IKZF1: variants seen among roughly 807,000 people sequenced by gnomAD.
IKZF1 encodes the protein DNA-binding protein Ikaros.
Under a neutral mutation model 51.7 loss-of-function variants are expected in IKZF1, and 10 were observed. The ratio of observed to expected loss-of-function variants is 0.19; its 90% CI spans 0.12 to 0.33. The LOEUF is 0.33. IKZF1 is among the 10% of genes least tolerant of loss of function. IKZF1 has a pLI of 1.00. For synonymous variants in IKZF1, 280 were observed against 282.3 expected, an observed-to-expected ratio of 0.99 and a Z score of 0.08; for missense variants, 484 against 707.5, an observed-to-expected ratio of 0.68 and a Z score of 3.58.
intron 3 of IKZF1, among the ~76,000 whole-genome samples, chr7:50,333,745 C>G (rs1336810895): frequency 6.6e-6 from 1 of 152,250 alleles, no homozygotes; most frequent in East Asian, 1.9e-4. Context: ...GATTCTTGTT[C>G]ACCTTGCTTT....
chr7:50,355,644 A>AATAG (rs1230808317), intron 3 of IKZF1, among the ~76,000 whole-genome samples: 6 of 150,186 alleles, frequency 4.0e-5, no homozygotes, highest in African/African-American at 1.2e-4. Flanking sequence ...TAAATAAATA[A>AATAG]ATAAATAAAT....
chr7:50,306,296 T>C (rs555559890), intron 1 of IKZF1, among the ~76,000 whole-genome samples: 1 of 152,338 alleles, frequency 6.6e-6, no homozygotes, highest in Admixed American at 6.5e-5. Context: ...TTTCATACAT[T>C]TTTTACATGA....
chr7:50,399,811 G>A, intron 7 of IKZF1, 107 bp from the exon 8 acceptor site: 3 of 1,478,784 alleles, frequency 2.0e-6, no homozygotes. Flanking sequence ...GGGCCCCCAG[G>A]CCGTGTTCCC....
intron 3 of IKZF1, among the ~76,000 whole-genome samples, chr7:50,369,994 A>C: frequency 6.6e-6 from 1 of 152,106 alleles, no homozygotes; most frequent in Non-Finnish European, 1.5e-5. Context: ...TAGAGGCAAC[A>C]CAAAAATATC....
intron 4 of IKZF1, among the ~76,000 whole-genome samples, chr7:50,378,248 T>C (rs891064064): frequency 1.2e-4 from 19 of 152,160 alleles, no homozygotes; most frequent in African/African-American, 4.6e-4. Flanking sequence ...TCCATAAAAA[T>C]TCAACTTCTA....
intron 3 of IKZF1, chr7:50,327,984 C>G (rs1283025440): frequency 2.6e-5 from 13 of 508,752 alleles, no homozygotes; most frequent in Non-Finnish European, 4.5e-5. Context: ...CGCAAAATGT[C>G]CAAGTTGAGG....
chr7:50,344,545 C>G (rs1366917984), intron 3 of IKZF1, among the ~76,000 whole-genome samples: 1 of 152,230 alleles, frequency 6.6e-6, no homozygotes, highest in Non-Finnish European at 1.5e-5. Context: ...CTGAGCACAT[C>G]TAGAATTATT....
chr7:50,303,917 G>A (rs957232207), upstream of IKZF1, among the ~76,000 whole-genome samples: 1 of 144,892 alleles, frequency 6.9e-6, no homozygotes, highest in Non-Finnish European at 1.5e-5. The surrounding 1 kb of genome is among the most constrained non-coding windows in gnomAD (Gnocchi z 4.7). Flanking sequence ...CAGCGCCGCG[G>A]CCGAGCCGGG....
At chr7:50,377,703 C>G (rs1321133507) in intron 4 of IKZF1, among the ~76,000 whole-genome samples, 1 of 152,218 alleles carries the variant, frequency 6.6e-6, no homozygotes, top group East Asian at 1.9e-4. Context: ...ATAACACACA[C>G]TTATTTAACT....
chr7:50,367,927 G>T (rs79797934), intron 3 of IKZF1: 1 of 605,402 alleles, frequency 1.7e-6, no homozygotes, highest in Non-Finnish European at 2.9e-6. Flanking sequence ...TTAAAAAAAA[G>T]TAATGCTTTC....
At chr7:50,336,620 C>T (rs1249746712) in intron 3 of IKZF1, among the ~76,000 whole-genome samples, 2 of 152,164 alleles carry the variant, frequency 1.3e-5, no homozygotes, top group African/African-American at 4.8e-5. Flanking sequence ...GGAGGGGCGT[C>T]TCAGAGGGCA....
In IKZF1 at chr7:50,402,395, G is replaced by A; in HGVS notation, c.*1768G>A. 1 of 230,612 alleles carries A rather than the reference G, an allele frequency of 4.3e-6. No individual in the cohort carries two copies. The allele number at this position is 230,612 out of a possible 1,614,324, so 14.3% of individuals were successfully genotyped here. On this transcript the variant is annotated 3_prime_UTR_variant, in exon 8 of 8. Coordinates refer to ENST00000331340, the MANE Select transcript of IKZF1 (RefSeq NM_006060.6). The stretch of plus-strand genomic sequence containing the variant: ...CCTGTGCATTGTAGGATAATTAGCA[G>A]TATCCCTGGTGGCTACCCAATAGAC...
intron 3 of IKZF1, among the ~76,000 whole-genome samples, chr7:50,371,989 G>A (rs1401706761): frequency 6.6e-6 from 1 of 152,188 alleles, no homozygotes; most frequent in Non-Finnish European, 1.5e-5. Context: ...TCCTGGGCTT[G>A]TGTTTTTAAA....
At chr7:50,399,132 A>G (rs550830573) in intron 7 of IKZF1, among the ~76,000 whole-genome samples, 18 of 152,330 alleles carry the variant, frequency 1.2e-4, no homozygotes, top group Admixed American at 1.0e-3. Flanking sequence ...AATTCTCATT[A>G]CTTTTAAAAA....
intron 3 of IKZF1, among the ~76,000 whole-genome samples, chr7:50,334,754 C>T (rs1345757375): frequency 7.2e-6 from 1 of 138,176 alleles, no homozygotes; most frequent in Non-Finnish European, 1.6e-5. Flanking sequence ...ATGGGATATG[C>T]GGTGTGTATG....
chr7:50,306,950 A>T (rs1788957175), intron 1 of IKZF1, among the ~76,000 whole-genome samples: 1 of 152,260 alleles, frequency 6.6e-6, no homozygotes, highest in Admixed American at 6.5e-5. Context: ...TTATTAACAG[A>T]TACATGAAAT....
At chr7:50,375,947 G>A (rs980855813) in intron 3 of IKZF1, among the ~76,000 whole-genome samples, 3 of 152,208 alleles carry the variant, frequency 2.0e-5, no homozygotes, top group Non-Finnish European at 4.4e-5. Flanking sequence ...ATCTGAAAGG[G>A]AACTGTGGTC....
chr7:50,304,038 G>A (rs1467337582), upstream of IKZF1: 3 of 145,044 alleles, frequency 2.1e-5, no homozygotes, highest in Non-Finnish European at 3.1e-5. Flanking sequence ...CGGGCGCGGT[G>A]CGCGCGGGGG....
At chr7:50,331,444 A>C (rs1442120423) in intron 3 of IKZF1, among the ~76,000 whole-genome samples, 1 of 152,130 alleles carries the variant, frequency 6.6e-6, no homozygotes, top group African/African-American at 2.4e-5. Flanking sequence ...GATGCAAAAA[A>C]AAAAAAAAAG....
Sources: gnomAD v4.1 joint callset for allele counts (sites outside exome capture counted in the v4.1 genomes callset) on GRCh38, gnomAD v4.1.1 for gene constraint, Gnocchi (gnomAD v3.1) non-coding constraint, MANE v1.5 for transcripts, NCBI Gene and HGNC (gene_info 2026-07-23, HGNC 2026-07-21) for gene names.